Variants in PALLD observed in about 807,000 individuals in gnomAD.
PALLD encodes the protein palladin, cytoskeletal associated protein.
Under a neutral mutation model 123.5 loss-of-function variants are expected in PALLD, and 61 were observed. That is an observed-to-expected ratio of 0.49 (90% CI 0.40 to 0.61). The LOEUF is 0.61. PALLD is among the 20% of genes least tolerant of loss of function. PALLD has a pLI of 0.00. For missense variants in PALLD, 1,273 were observed against 1,377.0 expected (o/e 0.92, Z 1.20); for synonymous variants, 465 against 496.4 (o/e 0.94, Z 0.84).
Position 168,928,319 on chromosome 4 carries a change from G to GTAT in PALLD, c.*2141_*2143dup. The GTAT allele has an allele frequency of 1.0e-5, 1 of 99,762 alleles. No individual in the cohort carries two copies. Among genetic ancestry groups the GTAT allele is most frequent in the Middle Eastern group, 3.3e-3 (1 of 304 alleles). The allele number at this position is 99,762 out of a possible 1,614,324, so 6.2% of individuals were successfully genotyped here. A position where few individuals can be genotyped will look rare whatever the true frequency, so the allele number is the denominator to read the frequency against. ...AGCATTATTTTGCCACCTTTATATT[G>GTAT]TATTTATAAAAAAAAAAGTACTATC... On this transcript the variant is annotated 3_prime_UTR_variant, in exon 22 of 22. Transcript: ENST00000505667.
At chr4:168,662,650 G>A (rs994577919) in intron 2 of PALLD, among the ~76,000 whole-genome samples, 1 of 152,158 alleles carries the variant, frequency 6.6e-6, no homozygotes, top group Non-Finnish European at 1.5e-5. Context: ...AATGATACCA[G>A]CAACAAGAAT....
chr4:168,510,511 CATG>C (rs779966359), intron 1 of PALLD, among the ~76,000 whole-genome samples: 1 of 152,176 alleles, frequency 6.6e-6, no homozygotes, highest in East Asian at 1.9e-4. Flanking sequence ...ACTCCTTGAA[CATG>C]ATAACTGTGC....
chr4:168,755,584 T>C (rs1030665277), intron 10 of PALLD, among the ~76,000 whole-genome samples: 1 of 152,134 alleles, frequency 6.6e-6, no homozygotes, highest in African/African-American at 2.4e-5. Flanking sequence ...GTCTATTCAA[T>C]GCATGATGAG....
intron 2 of PALLD, among the ~76,000 whole-genome samples, chr4:168,533,382 G>C (rs1219425915): frequency 6.6e-6 from 1 of 152,148 alleles, no homozygotes; most frequent in East Asian, 1.9e-4. Flanking sequence ...ATAGAAATTA[G>C]GGGCCTGAAT....
At chr4:168,827,878 TA>T (rs531034873) in intron 10 of PALLD, among the ~76,000 whole-genome samples, 30 of 152,094 alleles carry the variant, frequency 2.0e-4, no homozygotes, top group Admixed American at 4.6e-4. Context: ...TGTCTCTATT[TA>T]AAATACAAAA....
chr4:168,670,798 C>CA (rs1780185787), intron 3 of PALLD, among the ~76,000 whole-genome samples: 1 of 115,956 alleles, frequency 8.6e-6, no homozygotes, highest in Non-Finnish European at 1.9e-5. Context: ...ACAAAAAAAA[C>CA]AAAAAAGCTG....
chr4:168,563,384 G>A (rs965765683), intron 2 of PALLD, among the ~76,000 whole-genome samples: 4 of 152,160 alleles, frequency 2.6e-5, no homozygotes, highest in African/African-American at 9.7e-5. Context: ...ATCATTTAAA[G>A]ACACATAGAC....
chr4:168,689,530 C>A (rs971312014), intron 6 of PALLD, among the ~76,000 whole-genome samples: 7 of 140,256 alleles, frequency 5.0e-5, no homozygotes, highest in Admixed American at 7.7e-5. Context: ...TCACTGCAAC[C>A]TCTGCCTCCT....
chr4:168,667,652 T>G (rs990298070), intron 2 of PALLD, among the ~76,000 whole-genome samples: 1 of 152,354 alleles, frequency 6.6e-6, no homozygotes. Flanking sequence ...CAAGGCGGTC[T>G]GCTAGAAAGT....
intron 2 of PALLD, among the ~76,000 whole-genome samples, chr4:168,595,962 A>G (rs1771934905): frequency 6.6e-6 from 1 of 151,014 alleles, no homozygotes; most frequent in Non-Finnish European, 1.5e-5. Context: ...AAAAAAAAAC[A>G]GAATACCCAA....
At position 168,511,746 on chromosome 4, in the gene PALLD, A is replaced by G; in HGVS notation, c.242A>G (p.His81Arg). 3 of 1,614,192 alleles carry G rather than the reference A, an allele frequency of 1.9e-6. No individual in the cohort carries two copies. The highest frequency in any genetic ancestry group is 2.5e-6 in the Non-Finnish European group (3 of 1,180,028). Residue 81 changes from histidine (H) to arginine (R), a missense_variant, in exon 2 of 22, where the codon CAT (histidine) becomes CGT (arginine). His to Arg is a conservative substitution (Grantham distance 29, BLOSUM62 0). This residue lies in a region of PALLD where 944 missense variants were observed against 954.5 expected (regional missense o/e 0.99). Coordinates refer to ENST00000505667, the MANE Select transcript of PALLD (RefSeq NM_001166108.2). ...GCAAGCCTCTGTGAACATCCTTCCC[A>G]TAAGGAGACCAAATTGGGTGAACAC... Reference protein sequence around the residue: ...SPASLCEHPSHKETKLGEHAS... With the variant: ...SPASLCEHPSRKETKLGEHAS...
At chr4:168,734,925 T>TAG (rs113680242) in intron 10 of PALLD, among the ~76,000 whole-genome samples, 3,827 of 147,466 alleles carry the variant, frequency 0.026, 133 homozygotes, top group African/African-American at 0.077. Flanking sequence ...CCCCATCTCT[T>TAG]AGAGAGAGAG....
intron 2 of PALLD, among the ~76,000 whole-genome samples, chr4:168,660,895 T>G (rs1417165143): frequency 1.3e-5 from 2 of 151,846 alleles, no homozygotes; most frequent in African/African-American, 4.8e-5. Flanking sequence ...TTCTTTCTTC[T>G]TCCTCTTTTT....
At chr4:168,543,265 G>A (rs748336520) in intron 2 of PALLD, among the ~76,000 whole-genome samples, 1 of 151,776 alleles carries the variant, frequency 6.6e-6, no homozygotes, top group Admixed American at 6.6e-5. Flanking sequence ...TTAACAGATA[G>A]AAAGTAATTA....
At chr4:168,917,938 C>T (rs187094209) in intron 17 of PALLD, among the ~76,000 whole-genome samples, 3 of 152,208 alleles carry the variant, frequency 2.0e-5, no homozygotes, top group East Asian at 3.9e-4. Flanking sequence ...CAGTGGCACA[C>T]GCCTGTAATC....
chr4:168,698,955 A>G (rs1783418540), intron 8 of PALLD, among the ~76,000 whole-genome samples: 1 of 152,142 alleles, frequency 6.6e-6, no homozygotes, highest in African/African-American at 2.4e-5. Context: ...GGAATGTTTT[A>G]TTTCATAGAC....
intron 2 of PALLD, among the ~76,000 whole-genome samples, chr4:168,638,805 A>G (rs1422175879): frequency 6.6e-6 from 1 of 151,912 alleles, no homozygotes; most frequent in Non-Finnish European, 1.5e-5. Flanking sequence ...CCACTTCCTA[A>G]ATACCATATG....
intron 10 of PALLD, among the ~76,000 whole-genome samples, chr4:168,847,932 T>A (rs1226747182): frequency 6.6e-6 from 1 of 152,204 alleles, no homozygotes; most frequent in Non-Finnish European, 1.5e-5. Context: ...GCTAATTAGC[T>A]GTAGAACTAA....
At chr4:168,763,380 CT>C (rs1301823243) in intron 10 of PALLD, among the ~76,000 whole-genome samples, 2 of 152,146 alleles carry the variant, frequency 1.3e-5, no homozygotes, top group Admixed American at 6.5e-5. Flanking sequence ...CACAAGAACC[CT>C]GCTAAGCAGG....
Sources: gnomAD v4.1 joint callset for allele counts (sites outside exome capture counted in the v4.1 genomes callset) on GRCh38, gnomAD v4.1.1 for gene constraint, gnomAD v4.1.1 regional missense constraint, MANE v1.5 for transcripts, NCBI Gene and HGNC (gene_info 2026-07-23, HGNC 2026-07-21) for gene names.